UBR4: variants seen among roughly 807,000 people sequenced by gnomAD.
UBR4 encodes ubiquitin protein ligase E3 component n-recognin 4.
In UBR4, 124 loss-of-function variants were observed where a neutral mutation model predicts 575.6. The observed-to-expected ratio is 0.22, with a 90% CI of 0.19 to 0.25. The LOEUF (loss-of-function observed/expected upper bound fraction) is 0.25. Ranked by LOEUF, UBR4 falls within the 10% of genes least tolerant of loss-of-function variation. UBR4 has a pLI of 1.00. For synonymous variants in UBR4, 2,455 were observed against 2,473.7 expected, an observed-to-expected ratio of 0.99 and a Z score of 0.22; for missense variants, 4,818 against 6,478.8, an observed-to-expected ratio of 0.74 and a Z score of 8.80.
chr1:19,198,761 G>T, intron 4 of UBR4, 38 bp downstream of exon 4: 1 of 1,613,210 alleles, frequency 6.2e-7, no homozygotes, highest in Non-Finnish European at 8.5e-7. Flanking sequence ...GTGCCATGGG[G>T]GTGGTCATGT....
At chr1:19,078,498 T>C (rs1388150264) in intron 103 of UBR4, 1 of 166,370 alleles carries the variant, frequency 6.0e-6, no homozygotes, top group Non-Finnish European at 1.3e-5. Flanking sequence ...AGTCTTTACA[T>C]TCCCACTAGG....
chr1:19,172,875 T>C lies in UBR4; in HGVS notation c.3510A>G (p.Ala1170=), dbSNP rs369996471. 10 of 1,614,094 alleles carry C rather than the reference T, an allele frequency of 6.2e-6. No individual in the cohort carries two copies. In the African/African-American group the frequency reaches 8.0e-5, roughly 13 times the overall value. ...PATLQLIDTY[A]SFTRAYLLQN... is the part of the protein sequence containing the mutation. ...GCAGTTCGCCACACCTGGTGAACGA[T>C]GCATAGGTGTCAATGAGTTGCAGCG... Residue 1170 remains alanine (A), a synonymous_variant, in exon 25 of 106, where the codon GCA becomes GCG. Coordinates refer to ENST00000375254, the MANE Select transcript of UBR4 (RefSeq NM_020765.3).
rs535369262 is a variant in UBR4 at position 19,166,714 on chromosome 1, C to CAAA, written c.4109+305_4109+307dup. Among the ~76,000 whole-genome samples, 50 of 73,754 alleles carry CAAA rather than the reference C, an allele frequency of 6.8e-4. 3 individuals are homozygous for CAAA. The highest frequency in any genetic ancestry group is 1.4e-3 in the African/African-American group (21 of 15,130). 48.4% of individuals were successfully genotyped at this position (73,754 alleles called of 152,430 possible). A position where few individuals can be genotyped will look rare whatever the true frequency, so the allele number is the denominator to read the frequency against. On this transcript the variant is annotated intron_variant, in intron 29 of 105. Transcript: ENST00000375254. Reference sequence around the variant, plus strand: ...ACAACATGGCAAACTCCATCTCTACCAAAAAAAAAAAAAAAAAAAAAAAAA... The same window carrying CAAA: ...ACAACATGGCAAACTCCATCTCTACCAAAAAAAAAAAAAAAAAAAAAAAAAAAA...
At chr1:19,188,533 G>A (rs888497095) in intron 11 of UBR4, among the ~76,000 whole-genome samples, 17 of 152,190 alleles carry the variant, frequency 1.1e-4, no homozygotes, top group African/African-American at 2.7e-4. Flanking sequence ...CAACCTGGGC[G>A]ATAGAGTGAG....
chr1:19,138,003 T>C lies in UBR4; in HGVS notation c.8906+4A>G. On this transcript the variant is annotated splice_donor_region_variant and intron_variant, in intron 60 of 105. Transcript: ENST00000375254. ...CTCTTAACTGTGAAGGACTAGGTCTTGACCTGTTGCTAGTGTGGACATCTC... is the reference window on the plus strand; with the variant it reads ...CTCTTAACTGTGAAGGACTAGGTCTCGACCTGTTGCTAGTGTGGACATCTC... 6.5e-7 allele frequency: 1 copy of C among 1,532,258 alleles called. No individual in the cohort carries two copies. Among genetic ancestry groups the C allele is most frequent in the Non-Finnish European group, 8.8e-7 (1 of 1,131,630 alleles). 94.9% of individuals were successfully genotyped at this position (1,532,258 alleles called of 1,614,324 possible). A position where few individuals can be genotyped will look rare whatever the true frequency, so the allele number is the denominator to read the frequency against.
chr1:19,208,543 T>C (rs577649095), intron 1 of UBR4, among the ~76,000 whole-genome samples: 8 of 152,042 alleles, frequency 5.3e-5, no homozygotes, highest in African/African-American at 1.9e-4. Flanking sequence ...TTTGGACTTA[T>C]TTTCTAAGCC....
chr1:19,101,412 C>A, intron 88 of UBR4, 108 bp downstream of exon 88: 2 of 1,396,334 alleles, frequency 1.4e-6, no homozygotes, highest in South Asian at 1.8e-5. Context: ...GACTAAGTGG[C>A]CCACAGCTGG....
At position 19,152,499 on chromosome 1, in the gene UBR4, G is replaced by A. The variant is rs76210405; in HGVS notation, c.6833-23C>T. 3.3e-3 allele frequency: 5,264 copies of A among 1,612,776 alleles called. 175 individuals are homozygous for A. The African/African-American group carries it at 0.063, about 19-fold the overall frequency. ...TTGCTGCAGAGAACGGTACCAGATC[G>A]TCAAGAGTCTCTCCCACCTCTGCCC... On this transcript the variant is annotated intron_variant, in intron 46 of 105. Transcript: ENST00000375254. This position sits in a 1 kb window ranked among gnomAD's most constrained non-coding sequence, Gnocchi z 4.4.
intron 25 of UBR4, 41 bp from the exon 26 acceptor site, chr1:19,170,924 A>G: frequency 6.2e-7 from 1 of 1,613,694 alleles, no homozygotes; most frequent in Non-Finnish European, 8.5e-7. Context: ...ATAAGATTCT[A>G]ATCCCACCAG....
At position 19,139,180 on chromosome 1, in the gene UBR4, A is replaced by G. The variant is rs2083542679; in HGVS notation, c.8634T>C (p.Asp2878=). Residue 2878 remains aspartate (D), a synonymous_variant, in exon 59 of 106, where the codon GAT becomes GAC. Coordinates refer to ENST00000375254, the MANE Select transcript of UBR4 (RefSeq NM_020765.3). This position sits in a 1 kb window ranked among gnomAD's most constrained non-coding sequence, Gnocchi z 4.2. ...SDDEGSTAAT[D]GSTLRTSPAD... ...CAGGAGAGGTCCGAAGGGTAGAACC[A>G]TCTGTCGCTGCTGTACTGCCCTCGT... 2 of 1,613,866 alleles carry G rather than the reference A, an allele frequency of 1.2e-6. No individual in the cohort carries two copies. Among genetic ancestry groups the G allele is most frequent in the Non-Finnish European group, 1.7e-6 (2 of 1,179,816 alleles).
chr1:19,147,628 G>A (rs1028467638), intron 51 of UBR4, among the ~76,000 whole-genome samples: 4 of 152,280 alleles, frequency 2.6e-5, no homozygotes, highest in South Asian at 2.1e-4. Flanking sequence ...TACACTTCTC[G>A]TGCTGTGCCA....
chr1:19,137,610 T>C (rs893104680), intron 60 of UBR4, among the ~76,000 whole-genome samples: 7 of 152,204 alleles, frequency 4.6e-5, no homozygotes, highest in Admixed American at 2.0e-4. Flanking sequence ...GGAGCGCTTC[T>C]AGGACACCTA....
intron 11 of UBR4, among the ~76,000 whole-genome samples, chr1:19,189,260 C>T (rs552087188): frequency 1.6e-4 from 24 of 152,264 alleles, no homozygotes; most frequent in African/African-American, 5.1e-4. Context: ...ACTTTTCTAA[C>T]GAGTAGTTTG....
At position 19,118,780 on chromosome 1, in the gene UBR4, G is replaced by A. The variant is rs2080866947; in HGVS notation, c.10541+92C>T. The A allele has an allele frequency of 6.0e-6, 8 of 1,327,904 alleles. No homozygotes were observed. In the South Asian group the frequency reaches 6.0e-5, roughly 10 times the overall value. 82.3% of individuals were successfully genotyped at this position (1,327,904 alleles called of 1,614,324 possible). A position where few individuals can be genotyped will look rare whatever the true frequency, so the allele number is the denominator to read the frequency against. Reference sequence around the variant, plus strand: ...AGATTCGCTCTTCTCTCAGGCGCTTGTCAATTCCTATGTAAGAGCCTATCA... The same window carrying A: ...AGATTCGCTCTTCTCTCAGGCGCTTATCAATTCCTATGTAAGAGCCTATCA... On this transcript the variant is annotated intron_variant, in intron 71 of 105. Coordinates refer to ENST00000375254, the MANE Select transcript of UBR4 (RefSeq NM_020765.3).
chr1:19,099,708 C>T, intron 89 of UBR4, 31 bp from the exon 90 acceptor site: 2 of 1,585,768 alleles, frequency 1.3e-6, no homozygotes, highest in Non-Finnish European at 1.7e-6. Flanking sequence ...AGCTGTTGTT[C>T]CAAATAATTG....
Position 19,141,352 on chromosome 1 carries a change from T to C in UBR4, c.8483A>G (p.Gln2828Arg), listed in dbSNP as rs1375739866. ...LAIALSLQQDQQGSSSSALGL... is the reference protein window; with the variant it reads ...LAIALSLQQDRQGSSSSALGL... ...TTCTTGGCATGGCCTTCTACCTTGT[T>C]GGTCCTGCTGCAGGCTCAGGGCAAT... Residue 2828 changes from glutamine to arginine, a missense_variant, in exon 57 of 106, where the codon CAA becomes CGA. This residue lies in a region of UBR4 where 129 missense variants were observed against 198.4 expected (regional missense o/e 0.65). Coordinates refer to ENST00000375254, the MANE Select transcript of UBR4 (RefSeq NM_020765.3). 1.2e-6 allele frequency: 2 copies of C among 1,614,244 alleles called. No homozygotes were observed. Among genetic ancestry groups the C allele is most frequent in the Non-Finnish European group, 1.7e-6 (2 of 1,180,038 alleles).
At chr1:19,197,588 C>A in intron 7 of UBR4, 82 bp downstream of exon 7, 3 of 1,551,216 alleles carry the variant, frequency 1.9e-6, no homozygotes. Flanking sequence ...GACTGCACCC[C>A]TGCACTCCAG....
chr1:19,197,375 T>A, intron 7 of UBR4, 110 bp from the exon 8 acceptor site: 1 of 1,468,116 alleles, frequency 6.8e-7, no homozygotes. Context: ...ACGCCTATAA[T>A]TCCGACACTT....
chr1:19,143,259 G>GAAGGAAGAAAGAAAGAAAGAAAGA (rs1444831970), intron 55 of UBR4, among the ~76,000 whole-genome samples: 1 of 91,630 alleles, frequency 1.1e-5, no homozygotes, highest in Non-Finnish European at 2.3e-5. Context: ...AGGAAGGAAG[G>GAAGGAAGAAAGAAAGAAAGAAAGA]AAGAAAGAAA....
Sources: gnomAD v4.1 joint callset for allele counts (sites outside exome capture counted in the v4.1 genomes callset) on GRCh38, gnomAD v4.1.1 for gene constraint, gnomAD v4.1.1 regional missense constraint, Gnocchi (gnomAD v3.1) non-coding constraint, MANE v1.5 for transcripts, NCBI Gene and HGNC (gene_info 2026-07-23, HGNC 2026-07-21) for gene names.